Variants in CCND2 observed in about 807,000 individuals in gnomAD.
CCND2 encodes the protein G1/S-specific cyclin-D2.
CCND2 carries 6 observed loss-of-function variants against 30.2 expected under a neutral mutation model. The observed-to-expected ratio is 0.20, with a 90% CI of 0.11 to 0.39. CCND2 has a LOEUF of 0.39. CCND2 is among the 10% of genes least tolerant of loss of function. CCND2 has a pLI of 1.00. For missense variants in CCND2, 235 were observed against 373.4 expected, an observed-to-expected ratio of 0.63 and a Z score of 3.06; for synonymous variants, 150 against 153.1, an observed-to-expected ratio of 0.98 and a Z score of 0.15.
Position 4,304,226 on chromosome 12 carries a change from G to T in CCND2, c.*4217G>T, listed in dbSNP as rs1424296322. On this transcript the variant is annotated 3_prime_UTR_variant, in exon 5 of 5. Transcript: ENST00000261254. The surrounding 1 kb of genome is among the most constrained non-coding windows in gnomAD (Gnocchi z 6.2). ...AGTTCAAGAAGATAATATTGGTAGTGTGGGAATTGGAGGTAGGAAGGGGAG... is the reference window on the plus strand; with the variant it reads ...AGTTCAAGAAGATAATATTGGTAGTTTGGGAATTGGAGGTAGGAAGGGGAG... The T allele has an allele frequency of 4.3e-6, 1 of 233,612 alleles. No individual in the cohort carries two copies. Among genetic ancestry groups the T allele is most frequent in the Non-Finnish European group, 8.5e-6 (1 of 118,038 alleles). 14.5% of individuals were successfully genotyped at this position (233,612 alleles called of 1,614,324 possible). A position where few individuals can be genotyped will look rare whatever the true frequency, so the allele number is the denominator to read the frequency against.
chr12:4,285,945 T>C lies in CCND2; in HGVS notation c.572-2897T>C, dbSNP rs1864017285. On this transcript the variant is annotated intron_variant, in intron 3 of 4. Transcript: ENST00000261254. The surrounding 1 kb of genome is among the most constrained non-coding windows in gnomAD (Gnocchi z 4.1). ...GCCGGCTGGTAGACACCGTGATCCA[T>C]TCTATTGTCTCCTCATTGTTCTTCT... 6.6e-6 allele frequency among the ~76,000 whole-genome samples: 1 copy of C among 152,176 alleles called. No homozygotes were observed. Among genetic ancestry groups the C allele is most frequent in the African/African-American group, 2.4e-5 (1 of 41,424 alleles).
At chr12:4,275,765 A>G (rs1591643682) in intron 1 of CCND2, among the ~76,000 whole-genome samples, 1 of 151,932 alleles carries the variant, frequency 6.6e-6, no homozygotes, top group East Asian at 2.0e-4. Context: ...TTGGAGCTGT[A>G]GTTCACCCCC....
intron 4 of CCND2, among the ~76,000 whole-genome samples, chr12:4,290,181 G>A (rs1016702177): frequency 1.3e-5 from 2 of 152,204 alleles, no homozygotes; most frequent in East Asian, 3.9e-4. Flanking sequence ...GCTGCAGCTC[G>A]CCGGCCTCCT....
In CCND2 at chr12:4,276,876, C is replaced by G. The variant is rs959905421; in HGVS notation, c.411+656C>G. 1.3e-5 allele frequency among the ~76,000 whole-genome samples: 2 copies of G among 152,356 alleles called. No homozygotes were observed. The highest frequency in any genetic ancestry group is 3.9e-4 in the East Asian group (2 of 5,184). On this transcript the variant is annotated intron_variant, in intron 2 of 4. Coordinates refer to ENST00000261254, the MANE Select transcript of CCND2 (RefSeq NM_001759.4). This position sits in a 1 kb window ranked among gnomAD's most constrained non-coding sequence, Gnocchi z 4.8. The stretch of plus-strand genomic sequence containing the variant: ...AACCTTTTTCCCACCTGATCTAACT[C>G]CTTTTCCCTGCAGCTTGACATATAA...
rs73247761 is a variant in CCND2, at chr12:4,287,086, C to T, written c.572-1756C>T. On this transcript the variant is annotated intron_variant, in intron 3 of 4. Transcript: ENST00000261254. The surrounding 1 kb of genome is among the most constrained non-coding windows in gnomAD (Gnocchi z 4.0). ...GCTGGCTTTGTCACACTGTTCATGGCGACAGAGAAGGCGTAGGAGGGGCGG... is the reference window on the plus strand; with the variant it reads ...GCTGGCTTTGTCACACTGTTCATGGTGACAGAGAAGGCGTAGGAGGGGCGG... 1.8e-3 allele frequency among the ~76,000 whole-genome samples: 281 copies of T among 152,246 alleles called. 1 individual carries two copies. The highest frequency in any genetic ancestry group is 6.1e-3 in the African/African-American group (254 of 41,548).
At position 4,274,199 on chromosome 12, in the gene CCND2, C is replaced by T. The variant is rs761395165; in HGVS notation, c.159C>T (p.Pro53=). Residue 53 remains proline (P), a synonymous_variant, in exon 1 of 5, where the codon CCC becomes CCT. Transcript: ENST00000261254. The surrounding 1 kb of genome is among the most constrained non-coding windows in gnomAD (Gnocchi z 7.7). Reference sequence around the variant, plus strand: ...AGTGCGTGCAGAAGGACATCCAACCCTACATGCGCAGAATGGTGGCCACCT... The same window carrying T: ...AGTGCGTGCAGAAGGACATCCAACCTTACATGCGCAGAATGGTGGCCACCT... The part of the protein sequence containing the change: ...YFKCVQKDIQ[P]YMRRMVATWM... 6 of 1,613,974 alleles carry T rather than the reference C, an allele frequency of 3.7e-6. No homozygotes were observed. Among genetic ancestry groups the T allele is most frequent in the Non-Finnish European group, 4.2e-6 (5 of 1,179,974 alleles).
rs1427249216 is a variant in CCND2, at chr12:4,285,787, A to AT, written c.572-3048dup. 2.6e-5 allele frequency among the ~76,000 whole-genome samples: 4 copies of AT among 152,200 alleles called. No homozygotes were observed. The highest frequency in any genetic ancestry group is 3.9e-4 in the East Asian group (2 of 5,176). ...TAGTGCACAGATGAAATGATGTTTG[A>AT]TTTTTTTGTTTTTCTCTCTGTTCAG... is the stretch of plus-strand genomic sequence containing the variant. On this transcript the variant is annotated intron_variant, in intron 3 of 4. Transcript: ENST00000261254. This position sits in a 1 kb window ranked among gnomAD's most constrained non-coding sequence, Gnocchi z 4.1.
In CCND2 at chr12:4,274,128, C is replaced by A. The variant is rs778986120; in HGVS notation, c.88C>A (p.Leu30Met). The A allele has an allele frequency of 4.3e-6, 7 of 1,614,120 alleles. No homozygotes were observed. In the Admixed American group the frequency reaches 8.3e-5, roughly 19 times the overall value. Residue 30 changes from leucine to methionine, a missense_variant, in exon 1 of 5, where the codon CTG (leucine) becomes ATG (methionine). Coordinates refer to ENST00000261254, the MANE Select transcript of CCND2 (RefSeq NM_001759.4). The surrounding 1 kb of genome is among the most constrained non-coding windows in gnomAD (Gnocchi z 7.7). The part of the protein sequence containing the change: ...LLRDDRVLQN[L>M]LTIEERYLPQ... ...CCGAGACGACCGCGTCCTGCAGAAC[C>A]TGCTCACCATCGAGGAGCGCTACCT...
chr12:4,278,696 C>G (rs1372523697), intron 2 of CCND2, 64 bp from the exon 3 acceptor site: 5 of 1,563,576 alleles, frequency 3.2e-6, no homozygotes, highest in Non-Finnish European at 4.4e-6. Context: ...AACCCCCAGC[C>G]CCCTACACCA....
chr12:4,288,846 T>C lies in CCND2; in HGVS notation c.576T>C (p.Phe192=). ...TCTGCCTCTCATTCCTTGCAGACTT[T>C]AAGTTTGCCATGTACCCACCGTCGA... ...QTFIALCATD[F]KFAMYPPSMI... Residue 192 remains phenylalanine (F), a synonymous_variant, in exon 4 of 5, where the codon TTT becomes TTC. Coordinates refer to ENST00000261254, the MANE Select transcript of CCND2 (RefSeq NM_001759.4). 1 of 1,610,684 alleles carries C rather than the reference T, an allele frequency of 6.2e-7. No individual in the cohort carries two copies. Among genetic ancestry groups the C allele is most frequent in the Non-Finnish European group, 8.5e-7 (1 of 1,178,404 alleles).
chr12:4,285,252 C>A lies in CCND2; in HGVS notation c.572-3590C>A. On this transcript the variant is annotated intron_variant, in intron 3 of 4. Coordinates refer to ENST00000261254, the MANE Select transcript of CCND2 (RefSeq NM_001759.4). This position sits in a 1 kb window ranked among gnomAD's most constrained non-coding sequence, Gnocchi z 4.1. The stretch of plus-strand genomic sequence containing the variant: ...GATCAGAATGGATCGCTGATCGGTT[C>A]ATTGCCTCTCTCTCTGCTGCAGGAG... 1.0e-6 allele frequency: 1 copy of A among 982,454 alleles called. No homozygotes were observed. Among genetic ancestry groups the A allele is most frequent in the Non-Finnish European group, 1.2e-6 (1 of 827,276 alleles). The allele number at this position is 982,454 out of a possible 1,614,324, so 60.9% of individuals were successfully genotyped here.
intron 1 of CCND2, 31 bp from the exon 2 acceptor site, chr12:4,275,973 CG>C: frequency 7.6e-7 from 1 of 1,309,446 alleles, no homozygotes; most frequent in Non-Finnish European, 1.1e-6. Context: ...TCTCCACCCC[CG>C]CCCCCCAACC....
chr12:4,275,533 C>G (rs1020850279), intron 1 of CCND2: 2 of 136,212 alleles, frequency 1.5e-5, no homozygotes, highest in African/African-American at 5.4e-5. Flanking sequence ...GCAGGGACCC[C>G]CCCAGACATT....
At chr12:4,295,797 C>T (rs776593966) in intron 4 of CCND2, among the ~76,000 whole-genome samples, 1 of 152,156 alleles carries the variant, frequency 6.6e-6, no homozygotes, top group Non-Finnish European at 1.5e-5. Flanking sequence ...AAAAGCTGGC[C>T]GTAGTCAAGT....
chr12:4,276,153 C>G lies in CCND2; in HGVS notation c.344C>G (p.Thr115Ser), dbSNP rs762132499. Residue 115 changes from threonine to serine, a missense_variant, in exon 2 of 5, where the codon ACC becomes AGC. Transcript: ENST00000261254. The surrounding 1 kb of genome is among the most constrained non-coding windows in gnomAD (Gnocchi z 4.8). ...CMFLASKLKE[T>S]SPLTAEKLCI... The stretch of plus-strand genomic sequence containing the variant: ...TTCCTGGCCTCCAAACTCAAAGAGA[C>G]CAGCCCGCTGACCGCGGAGAAGCTG... The G allele has an allele frequency of 1.2e-6, 2 of 1,614,238 alleles. No individual in the cohort carries two copies. Among genetic ancestry groups the G allele is most frequent in the East Asian group, 4.5e-5 (2 of 44,890 alleles).
intron 3 of CCND2, among the ~76,000 whole-genome samples, chr12:4,284,800 ATC>A (rs1435401283): frequency 1.3e-5 from 2 of 149,834 alleles, no homozygotes; most frequent in African/African-American, 5.0e-5. Flanking sequence ...GCATGGCACA[ATC>A]TCTGCTCACT....
Position 4,274,386 on chromosome 12 carries a change from T to G in CCND2, c.195+151T>G, listed in dbSNP as rs1863832433. The G allele has an allele frequency of 1.3e-6, 1 of 775,046 alleles. No homozygotes were observed. Among genetic ancestry groups the G allele is most frequent in the Non-Finnish European group, 2.1e-6 (1 of 476,126 alleles). 48.0% of individuals were successfully genotyped at this position (775,046 alleles called of 1,614,324 possible). ...ACCGCGCGCCTTCTGGCGAGACGCG[T>G]GGCTTTATTTCTGTTCCTCTCCAGA... On this transcript the variant is annotated intron_variant, in intron 1 of 4. Coordinates refer to ENST00000261254, the MANE Select transcript of CCND2 (RefSeq NM_001759.4). The surrounding 1 kb of genome is among the most constrained non-coding windows in gnomAD (Gnocchi z 7.7).
intron 3 of CCND2, among the ~76,000 whole-genome samples, chr12:4,283,169 C>G (rs1863973600): frequency 6.6e-6 from 1 of 152,106 alleles, no homozygotes; most frequent in South Asian, 2.1e-4. Flanking sequence ...AGTGCAGATA[C>G]CAAGTTGATG....
chr12:4,275,937 CTTTT>C (rs1863866967), intron 1 of CCND2, 64 bp from the exon 2 acceptor site: 2 of 982,726 alleles, frequency 2.0e-6, no homozygotes, highest in South Asian at 4.0e-5. Flanking sequence ...CTTTTTTATT[CTTTT>C]TCTCTTTTGC....
Sources: gnomAD v4.1 joint callset for allele counts (sites outside exome capture counted in the v4.1 genomes callset) on GRCh38, gnomAD v4.1.1 for gene constraint, Gnocchi (gnomAD v3.1) non-coding constraint, MANE v1.5 for transcripts, NCBI Gene and HGNC (gene_info 2026-07-23, HGNC 2026-07-21) for gene names.